The following PSMA8 variants were observed in gnomAD, a reference collection of about 807,000 sequenced individuals.
PSMA8 encodes proteasome 20S subunit alpha 8, also known as proteasome subunit alpha-type 8.
In PSMA8, 18 loss-of-function variants were observed where a neutral mutation model predicts 32.4. The observed-to-expected ratio is 0.56, with a 90% CI of 0.38 to 0.82. PSMA8 has a LOEUF of 0.82. Among genes scored for constraint, PSMA8 ranks in the 40% least tolerant of loss-of-function variants. PSMA8 has a pLI of 0.00. For synonymous variants in PSMA8, 104 were observed against 98.1 expected (o/e 1.06, Z -0.36); for missense variants, 298 against 300.7 (o/e 0.99, Z 0.07).
chr18:26,192,404 C>G lies in PSMA8; in HGVS notation c.746C>G (p.Ser249Cys), dbSNP rs779366787. ...GCAGAGAAGAAAAAATCAAAGAAATCTGTCTAATTCTTAGGATGACCACTG... is the reference window on the plus strand; with the variant it reads ...GCAGAGAAGAAAAAATCAAAGAAATGTGTCTAATTCTTAGGATGACCACTG... Reference protein sequence around the residue: ...EEAEKKKSKKSV With the variant: ...EEAEKKKSKKCV The change falls in exon 7 of 7, where the codon TCT becomes TGT. Residue 249 changes from serine to cysteine, a missense_variant. By Grantham distance (112) the Ser-to-Cys change is moderately radical. Transcript: ENST00000415576. 1 of 1,527,862 alleles carries G rather than the reference C, an allele frequency of 6.5e-7. No homozygotes were observed. The highest frequency in any genetic ancestry group is 8.7e-7 in the Non-Finnish European group (1 of 1,150,110). The allele number at this position is 1,527,862 out of a possible 1,614,324, so 94.6% of individuals were successfully genotyped here. A position where few individuals can be genotyped will look rare whatever the true frequency, so the allele number is the denominator to read the frequency against.
intron 4 of PSMA8, among the ~76,000 whole-genome samples, chr18:26,166,880 G>A (rs1048343436): frequency 3.9e-5 from 6 of 152,166 alleles, no homozygotes; most frequent in Non-Finnish European, 8.8e-5. Context: ...TTGCCACAAT[G>A]AGCCTGACAG....
chr18:26,166,097 G>T (rs1438163396), intron 4 of PSMA8, among the ~76,000 whole-genome samples: 1 of 151,956 alleles, frequency 6.6e-6, no homozygotes, highest in Admixed American at 6.6e-5. Context: ...GTGAGACTCT[G>T]TCTCAAAAAG....
At chr18:26,134,318 G>T (rs1418872140) in intron 1 of PSMA8, among the ~76,000 whole-genome samples, 2 of 151,120 alleles carry the variant, frequency 1.3e-5, no homozygotes, top group African/African-American at 4.9e-5. Context: ...AGCTACAGAC[G>T]CAAAACTAGG....
chr18:26,168,476 C>A lies in PSMA8; in HGVS notation c.477+10232C>A, dbSNP rs1395144156. Among the ~76,000 whole-genome samples, 34 of 122,966 alleles carry A rather than the reference C, an allele frequency of 2.8e-4. 3 individuals are homozygous for A. Among genetic ancestry groups the A allele is most frequent in the Non-Finnish European group, 3.7e-4 (24 of 64,110 alleles). 80.7% of individuals were successfully genotyped at this position (122,966 alleles called of 152,430 possible). A position where few individuals can be genotyped will look rare whatever the true frequency, so the allele number is the denominator to read the frequency against. ...TGCCCTAGAATGATTGCCTAACCAA[C>A]CCTTTCCCCTTGTTTTTTTTTTTTT... is the stretch of plus-strand genomic sequence containing the variant. On this transcript the variant is annotated intron_variant, in intron 4 of 6. Transcript: ENST00000415576.
chr18:26,146,559 G>T (rs899759382), intron 2 of PSMA8, among the ~76,000 whole-genome samples: 3 of 152,020 alleles, frequency 2.0e-5, no homozygotes, highest in African/African-American at 7.3e-5. Flanking sequence ...GAGCCCAAAA[G>T]TTCGAGCCTG....
intron 2 of PSMA8, among the ~76,000 whole-genome samples, chr18:26,147,267 A>G (rs9960963): frequency 0.13 from 19,218 of 150,520 alleles, 2,320 homozygotes; most frequent in African/African-American, 0.32. Flanking sequence ...TTTCTGATCA[A>G]AATGGAATGG....
chr18:26,182,630 C>G (rs2055320826), intron 6 of PSMA8, among the ~76,000 whole-genome samples: 1 of 152,224 alleles, frequency 6.6e-6, no homozygotes, highest in Non-Finnish European at 1.5e-5. Flanking sequence ...CTTTCTGCAG[C>G]ACATGCATCA....
chr18:26,152,811 ATTATAAAAG>A (rs1032305400), intron 3 of PSMA8, among the ~76,000 whole-genome samples: 3 of 151,518 alleles, frequency 2.0e-5, no homozygotes, highest in African/African-American at 7.3e-5. Context: ...AATTATACCA[ATTATAAAAG>A]GGCTCAATCT....
chr18:26,138,380 G>A (rs945297782), intron 1 of PSMA8, among the ~76,000 whole-genome samples: 1 of 152,138 alleles, frequency 6.6e-6, no homozygotes, highest in Non-Finnish European at 1.5e-5. Context: ...TTGGGATGTG[G>A]GTCCAAGGTT....
intron 3 of PSMA8, among the ~76,000 whole-genome samples, chr18:26,153,050 A>G (rs919565937): frequency 2.0e-5 from 3 of 152,208 alleles, no homozygotes; most frequent in Non-Finnish European, 4.4e-5. Context: ...AACTGATCAG[A>G]TATGATTTCT....
At chr18:26,161,612 G>A (rs1005987990) in intron 4 of PSMA8, among the ~76,000 whole-genome samples, 1 of 152,200 alleles carries the variant, frequency 6.6e-6, no homozygotes, top group East Asian at 1.9e-4. Flanking sequence ...GTGGTGCATG[G>A]CAGTAGTCCT....
At chr18:26,154,028 AG>A (rs2055067071) in intron 3 of PSMA8, among the ~76,000 whole-genome samples, 1 of 152,076 alleles carries the variant, frequency 6.6e-6, no homozygotes, top group African/African-American at 2.4e-5. Flanking sequence ...CAGCCTCCTG[AG>A]TAGCTGGGAT....
At chr18:26,182,933 A>G (rs2055323367) in intron 6 of PSMA8, among the ~76,000 whole-genome samples, 1 of 151,968 alleles carries the variant, frequency 6.6e-6, no homozygotes, top group Admixed American at 6.6e-5. Flanking sequence ...CTCTACCACA[A>G]ATACAAAAAT....
At chr18:26,179,296 GT>G (rs36120364) in intron 6 of PSMA8, among the ~76,000 whole-genome samples, 166 bp downstream of exon 6, 48,123 of 138,934 alleles carry the variant, frequency 0.35, 10,478 homozygotes, top group African/African-American at 0.63. Flanking sequence ...TGTTTTTTGT[GT>G]TTTTTTTTTT....
intron 6 of PSMA8, among the ~76,000 whole-genome samples, chr18:26,190,617 T>C (rs1284908515): frequency 6.6e-6 from 1 of 152,066 alleles, no homozygotes; most frequent in Non-Finnish European, 1.5e-5. Flanking sequence ...GGCATGGTGG[T>C]TCACATCTGT....
intron 1 of PSMA8, among the ~76,000 whole-genome samples, chr18:26,134,763 T>G (rs2054898012): frequency 6.6e-6 from 1 of 152,156 alleles, no homozygotes; most frequent in South Asian, 2.1e-4. Flanking sequence ...GAGACCAGCC[T>G]GACCAACATG....
intron 3 of PSMA8, among the ~76,000 whole-genome samples, chr18:26,156,212 TA>T (rs1479238780): frequency 6.6e-6 from 1 of 152,162 alleles, no homozygotes; most frequent in Non-Finnish European, 1.5e-5. Flanking sequence ...AAATGTAAAT[TA>T]ATACAGACAT....
chr18:26,156,479 A>G (rs971987815), intron 3 of PSMA8, among the ~76,000 whole-genome samples: 2 of 152,098 alleles, frequency 1.3e-5, no homozygotes, highest in African/African-American at 2.4e-5. Flanking sequence ...ACTTAGCCAT[A>G]AAAAAGAATG....
chr18:26,192,425 C>A lies in PSMA8; in HGVS notation c.*14C>A. 1 of 1,519,170 alleles carries A rather than the reference C, an allele frequency of 6.6e-7. No individual in the cohort carries two copies. Among genetic ancestry groups the A allele is most frequent in the Non-Finnish European group, 8.7e-7 (1 of 1,146,330 alleles). 94.1% of individuals were successfully genotyped at this position (1,519,170 alleles called of 1,614,324 possible). On this transcript the variant is annotated 3_prime_UTR_variant, in exon 7 of 7. Transcript: ENST00000415576. ...AAATCTGTCTAATTCTTAGGATGAC[C>A]ACTGGGAGGTCTTAATGTTTTGTTT...
Sources: gnomAD v4.1 joint callset for allele counts (sites outside exome capture counted in the v4.1 genomes callset) on GRCh38, gnomAD v4.1.1 for gene constraint, MANE v1.5 for transcripts, NCBI Gene and HGNC (gene_info 2026-07-23, HGNC 2026-07-21) for gene names.